USH2A: variants seen among roughly 807,000 people sequenced by gnomAD.
The protein encoded by USH2A is Usher syndrome 2A (autosomal recessive, mild).
In USH2A, 443 loss-of-function variants were observed where a neutral mutation model predicts 538.9. That is an observed-to-expected ratio of 0.82 (90% CI 0.76 to 0.89). USH2A has a LOEUF of 0.89. Ranked by LOEUF, USH2A falls within the 40% of genes least tolerant of loss-of-function variation. The pLI, the probability that USH2A is intolerant of heterozygous loss-of-function variation, is 0.00. For missense variants in USH2A, 6,633 were observed against 6,324.8 expected, an observed-to-expected ratio of 1.05 and a Z score of -1.65; for synonymous variants, 2,413 against 2,273.5, an observed-to-expected ratio of 1.06 and a Z score of -1.75.
intron 35 of USH2A, among the ~76,000 whole-genome samples, chr1:215,986,857 T>C (rs143039467): frequency 3.3e-5 from 5 of 152,298 alleles, no homozygotes; most frequent in African/African-American, 1.2e-4. Context: ...ATGCCTCTAC[T>C]CCGTGGCACT....
intron 65 of USH2A, among the ~76,000 whole-genome samples, chr1:215,649,586 G>C (rs1656981234): frequency 6.6e-6 from 1 of 152,138 alleles, no homozygotes; most frequent in African/African-American, 2.4e-5. Context: ...TATTTATTGA[G>C]TACGAAGCCC....
At chr1:215,732,726 A>G (rs3001051) in intron 60 of USH2A, among the ~76,000 whole-genome samples, 16,364 of 151,278 alleles carry the variant, frequency 0.11, 1,021 homozygotes, top group Non-Finnish European at 0.13. Context: ...TATTTTTAAT[A>G]GAGACGGGGT....
chr1:215,722,677 T>C (rs1463974819), intron 61 of USH2A, among the ~76,000 whole-genome samples: 1 of 152,180 alleles, frequency 6.6e-6, no homozygotes, highest in African/African-American at 2.4e-5. Context: ...TATTCCCAGA[T>C]TGGAAGCCAA....
At chr1:216,032,069 G>A (rs1669141718) in intron 32 of USH2A, among the ~76,000 whole-genome samples, 1 of 152,112 alleles carries the variant, frequency 6.6e-6, no homozygotes, top group South Asian at 2.1e-4. Flanking sequence ...AATTGAACTG[G>A]GAATGATTTG....
chr1:215,737,241 A>G (rs1227644707), intron 60 of USH2A, among the ~76,000 whole-genome samples: 1 of 151,982 alleles, frequency 6.6e-6, no homozygotes, highest in East Asian at 1.9e-4. Flanking sequence ...ATACAAATAG[A>G]AAACATTAAT....
chr1:216,143,892 T>C (rs1434016137), intron 21 of USH2A, among the ~76,000 whole-genome samples: 1 of 152,192 alleles, frequency 6.6e-6, no homozygotes, highest in Non-Finnish European at 1.5e-5. Flanking sequence ...TGCAAGAAGC[T>C]TTGGTCTTCT....
chr1:215,650,823 A>G (rs201643848), intron 64 of USH2A, 22 bp from the exon 65 acceptor site: 13 of 1,607,666 alleles, frequency 8.1e-6, no homozygotes, highest in Middle Eastern at 1.8e-4. Flanking sequence ...AATCAACAAG[A>G]CTGTCAAAAG....
intron 56 of USH2A, among the ~76,000 whole-genome samples, chr1:215,763,421 A>G (rs1456375823): frequency 1.3e-5 from 2 of 152,090 alleles, no homozygotes; most frequent in African/African-American, 4.8e-5. Flanking sequence ...CCAAGTTTTG[A>G]AAAGGTGAGC....
chr1:215,645,516 A>C lies in USH2A; in HGVS notation c.14791+2006T>G, dbSNP rs149759951. Among the ~76,000 whole-genome samples the C allele has an allele frequency of 1.8e-3, 279 of 152,324 alleles. 2 individuals are homozygous for C. Among genetic ancestry groups the C allele is most frequent in the Middle Eastern group, 3.4e-3 (1 of 294 alleles). ...TCTGCCTCAGTTTTTTCATCTGTAA[A>C]TTTGGATAATAATAGGTCTGTTGTA... On this transcript the variant is annotated intron_variant, in intron 67 of 71. Coordinates refer to ENST00000307340, the MANE Select transcript of USH2A (RefSeq NM_206933.4).
rs187262750 is a variant in USH2A, at chr1:216,322,714, A to G, written c.1551-738T>C. On this transcript the variant is annotated intron_variant, in intron 8 of 71. Coordinates refer to ENST00000307340, the MANE Select transcript of USH2A (RefSeq NM_206933.4). ...TTTTTTTTCCAAAGTTAGATGATGAATATTTAATAGTATTGCTTTGTTCAT... is the reference window on the plus strand; with the variant it reads ...TTTTTTTTCCAAAGTTAGATGATGAGTATTTAATAGTATTGCTTTGTTCAT... Among the ~76,000 whole-genome samples, 19 of 152,140 alleles carry G rather than the reference A, an allele frequency of 1.2e-4. No homozygotes were observed. In the East Asian group the frequency reaches 3.7e-3, roughly 29 times the overall value.
chr1:216,312,785 C>T (rs1387178083), intron 9 of USH2A, among the ~76,000 whole-genome samples: 3 of 152,184 alleles, frequency 2.0e-5, no homozygotes, highest in Non-Finnish European at 4.4e-5. Flanking sequence ...ATGTCTGAGT[C>T]TCATTCTCAT....
chr1:215,868,045 C>T (rs1664525831), intron 43 of USH2A, among the ~76,000 whole-genome samples: 1 of 152,146 alleles, frequency 6.6e-6, no homozygotes, highest in South Asian at 2.1e-4. Context: ...TGTAGTGCAA[C>T]ACACGACCAT....
At chr1:216,106,207 G>C (rs2032727659) in intron 21 of USH2A, among the ~76,000 whole-genome samples, 1 of 146,424 alleles carries the variant, frequency 6.8e-6, no homozygotes, top group Non-Finnish European at 1.5e-5. Flanking sequence ...GTATGTATAA[G>C]TATATATAAT....
chr1:216,080,200 A>G (rs898449183), intron 26 of USH2A, among the ~76,000 whole-genome samples: 14 of 152,126 alleles, frequency 9.2e-5, no homozygotes, highest in Non-Finnish European at 1.8e-4. Context: ...AGTGAGTGTA[A>G]AAAGACTGAG....
At chr1:215,942,008 G>A (rs1666647463) in intron 37 of USH2A, among the ~76,000 whole-genome samples, 1 of 152,074 alleles carries the variant, frequency 6.6e-6, no homozygotes, top group African/African-American at 2.4e-5. Flanking sequence ...GTCTGGCACA[G>A]CTAACTGGGT....
chr1:216,015,698 A>C (rs991952263), intron 32 of USH2A, among the ~76,000 whole-genome samples: 1 of 152,118 alleles, frequency 6.6e-6, no homozygotes, highest in Non-Finnish European at 1.5e-5. Flanking sequence ...TGACTTTTTA[A>C]TGATCGCCAT....
chr1:216,249,972 C>G (rs139439062), intron 12 of USH2A, among the ~76,000 whole-genome samples: 1 of 151,944 alleles, frequency 6.6e-6, no homozygotes, highest in South Asian at 2.1e-4. Context: ...CCATGGATGA[C>G]TTGGTGTCTT....
intron 34 of USH2A, among the ~76,000 whole-genome samples, chr1:215,998,612 T>C (rs2102481549): frequency 6.6e-6 from 1 of 152,226 alleles, no homozygotes; most frequent in South Asian, 2.1e-4. Flanking sequence ...GTTCTACAAG[T>C]AATTTTGAAA....
intron 61 of USH2A, among the ~76,000 whole-genome samples, chr1:215,693,307 C>G (rs12736199): frequency 0.28 from 43,118 of 151,630 alleles, 7,654 homozygotes; most frequent in Non-Finnish European, 0.39. Flanking sequence ...GTCTATCCTT[C>G]CTAAGGTAGA....
Sources: allele counts gnomAD v4.1 joint callset (sites outside exome capture counted in the v4.1 genomes callset), GRCh38; gene constraint gnomAD v4.1.1; transcripts MANE v1.5; gene names NCBI Gene and HGNC (gene_info 2026-07-23, HGNC 2026-07-21).